Variants in ADGRL3 observed in about 807,000 individuals in gnomAD.
ADGRL3 encodes calcium-independent alpha-latrotoxin receptor 3.
In ADGRL3, 62 loss-of-function variants were observed where a neutral mutation model predicts 153.5. The observed-to-expected ratio is 0.40, with a 90% confidence interval of 0.33 to 0.50. The LOEUF is 0.50. Ranked by LOEUF, ADGRL3 falls within the 20% of genes least tolerant of loss-of-function variation. The pLI, the probability that ADGRL3 is intolerant of heterozygous loss-of-function variation, is 0.47. For synonymous variants in ADGRL3, 710 were observed against 672.5 expected, an observed-to-expected ratio of 1.06 and a Z score of -0.86; for missense variants, 1,641 against 1,859.4, an observed-to-expected ratio of 0.88 and a Z score of 2.16.
At chr4:61,876,935 A>G (rs1489280466) in intron 9 of ADGRL3, among the ~76,000 whole-genome samples, 1 of 151,206 alleles carries the variant, frequency 6.6e-6, no homozygotes, top group Admixed American at 6.6e-5. Flanking sequence ...AAAGAAAGAA[A>G]TATCCACATC....
chr4:61,528,470 G>A (rs1264712342), intron 4 of ADGRL3, among the ~76,000 whole-genome samples: 3 of 152,066 alleles, frequency 2.0e-5, no homozygotes, highest in African/African-American at 4.8e-5. Context: ...TGAGCATGCT[G>A]TGTAGAAGGT....
Position 61,721,685 on chromosome 4 carries a change from G to T in ADGRL3, c.584-8937G>T, listed in dbSNP as rs180686643. Among the ~76,000 whole-genome samples, 4 of 152,210 alleles carry T rather than the reference G, an allele frequency of 2.6e-5. No homozygotes were observed. In the East Asian group the frequency reaches 7.7e-4, roughly 29 times the overall value. On this transcript the variant is annotated intron_variant, in intron 6 of 26. Coordinates refer to ENST00000683033, the MANE Select transcript of ADGRL3 (RefSeq NM_001387552.1). The stretch of plus-strand genomic sequence containing the variant: ...GCTAACCATCACAGTATATTTGAGG[G>T]TTTTACATGCACAGTCACTTTCACA...
intron 6 of ADGRL3, among the ~76,000 whole-genome samples, chr4:61,716,242 T>C (rs1471921279): frequency 6.6e-6 from 1 of 152,084 alleles, no homozygotes; most frequent in African/African-American, 2.4e-5. Context: ...AAACAGTAGA[T>C]AGAACCTTTT....
At chr4:61,645,278 T>C (rs868770998) in intron 5 of ADGRL3, among the ~76,000 whole-genome samples, 3 of 152,068 alleles carry the variant, frequency 2.0e-5, no homozygotes, top group African/African-American at 4.8e-5. Flanking sequence ...GCATTTAGTC[T>C]ATTTACATTT....
At chr4:62,000,392 A>G (rs1027042582) in intron 21 of ADGRL3, among the ~76,000 whole-genome samples, 3 of 151,922 alleles carry the variant, frequency 2.0e-5, no homozygotes, top group Admixed American at 6.6e-5. Context: ...TAATGTTCAT[A>G]TGTATTTCTT....
At chr4:61,310,691 A>G (rs1466909445) in intron 1 of ADGRL3, among the ~76,000 whole-genome samples, 2 of 151,750 alleles carry the variant, frequency 1.3e-5, no homozygotes, top group Non-Finnish European at 2.9e-5. Context: ...CATTACAGTT[A>G]CTACTTTCTA....
intron 1 of ADGRL3, among the ~76,000 whole-genome samples, chr4:61,229,923 C>A (rs1194929408): frequency 6.6e-6 from 1 of 151,570 alleles, no homozygotes; most frequent in African/African-American, 2.4e-5. Flanking sequence ...TATATACACA[C>A]ATATATGTAT....
intron 8 of ADGRL3, among the ~76,000 whole-genome samples, chr4:61,777,429 T>A (rs2097166205): frequency 6.6e-6 from 1 of 152,218 alleles, no homozygotes; most frequent in Non-Finnish European, 1.5e-5. Context: ...CTACATGTGA[T>A]CCAAAGGTTT....
intron 25 of ADGRL3, among the ~76,000 whole-genome samples, chr4:62,054,679 TCATAACA>T (rs1736054961): frequency 6.6e-6 from 1 of 151,474 alleles, no homozygotes; most frequent in Non-Finnish European, 1.5e-5. Flanking sequence ...GAAACTGTAC[TCATAACA>T]CATAAGCCAT....
intron 13 of ADGRL3, among the ~76,000 whole-genome samples, chr4:61,918,423 A>C (rs2149937301): frequency 6.6e-6 from 1 of 152,294 alleles, no homozygotes; most frequent in African/African-American, 2.4e-5. Flanking sequence ...GCCTAGAAAT[A>C]ATTATTTGGT....
At chr4:61,526,885 T>C (rs570321118) in intron 4 of ADGRL3, among the ~76,000 whole-genome samples, 1 of 152,260 alleles carries the variant, frequency 6.6e-6, no homozygotes, top group Admixed American at 6.5e-5. Context: ...TAGATGAATA[T>C]AAATATATTT....
chr4:61,445,659 C>G (rs1198421174), intron 2 of ADGRL3, among the ~76,000 whole-genome samples: 2 of 152,102 alleles, frequency 1.3e-5, no homozygotes, highest in African/African-American at 2.4e-5. Flanking sequence ...CATTGTAGAT[C>G]CTTTAGATCT....
At chr4:61,386,088 G>T (rs2151949713) in intron 2 of ADGRL3, among the ~76,000 whole-genome samples, 1 of 152,224 alleles carries the variant, frequency 6.6e-6, no homozygotes, top group Non-Finnish European at 1.5e-5. Flanking sequence ...CATGTATTTG[G>T]TTAAGTGTAT....
At chr4:61,385,783 T>TTTGTAAAAGA (rs1431574662) in intron 2 of ADGRL3, 1 of 152,200 alleles carries the variant, frequency 6.6e-6, no homozygotes, top group Non-Finnish European at 1.5e-5. Flanking sequence ...TAAACTATTA[T>TTTGTAAAAGA]ATATTCAACT....
intron 4 of ADGRL3, among the ~76,000 whole-genome samples, chr4:61,522,755 G>T (rs1333113023): frequency 6.6e-6 from 1 of 152,114 alleles, no homozygotes; most frequent in Non-Finnish European, 1.5e-5. Flanking sequence ...GTTTAACAAA[G>T]TTAGTAGGAA....
chr4:61,690,012 T>C (rs2151108003), intron 6 of ADGRL3, among the ~76,000 whole-genome samples: 1 of 152,278 alleles, frequency 6.6e-6, no homozygotes. Context: ...ATTAAATCGC[T>C]ACACACTAAC....
chr4:61,473,391 G>A (rs1579058612), intron 2 of ADGRL3, among the ~76,000 whole-genome samples: 1 of 152,006 alleles, frequency 6.6e-6, no homozygotes, highest in African/African-American at 2.4e-5. Flanking sequence ...CGGCGAGGGT[G>A]TGTATGTGAA....
intron 1 of ADGRL3, among the ~76,000 whole-genome samples, chr4:61,375,015 G>A (rs2096587028): frequency 1.3e-5 from 2 of 151,854 alleles, no homozygotes; most frequent in Non-Finnish European, 1.5e-5. Flanking sequence ...AAAACAGTAA[G>A]GATTCTGGCA....
At chr4:61,867,332 C>G (rs1348487111) in intron 9 of ADGRL3, among the ~76,000 whole-genome samples, 2 of 150,814 alleles carry the variant, frequency 1.3e-5, no homozygotes, top group Non-Finnish European at 3.0e-5. Context: ...AACCCTGTCT[C>G]TACAAAAAAT....
Sources: allele counts gnomAD v4.1 joint callset (sites outside exome capture counted in the v4.1 genomes callset), GRCh38; gene constraint gnomAD v4.1.1; transcripts MANE v1.5; gene names NCBI Gene and HGNC (gene_info 2026-07-23, HGNC 2026-07-21).